Variants in SPATS2L observed in about 807,000 individuals in gnomAD.
SPATS2L encodes SPATS2-like protein.
A neutral mutation model predicts 59.6 loss-of-function variants in SPATS2L; 30 were observed. The observed-to-expected ratio is 0.50, with a 90% CI of 0.38 to 0.68. The LOEUF (loss-of-function observed/expected upper bound fraction) is 0.68, where lower values mean the gene tolerates loss of function less well. Ranked by LOEUF, SPATS2L falls within the 30% of genes least tolerant of loss-of-function variation. The pLI, the probability that SPATS2L is intolerant of heterozygous loss-of-function variation, is 0.00. For synonymous variants in SPATS2L, 252 were observed against 263.5 expected, an observed-to-expected ratio of 0.96 and a Z score of 0.42; for missense variants, 615 against 700.0, an observed-to-expected ratio of 0.88 and a Z score of 1.37.
chr2:200,436,773 A>G (rs1167013574), intron 6 of SPATS2L, among the ~76,000 whole-genome samples: 1 of 152,078 alleles, frequency 6.6e-6, no homozygotes, highest in Non-Finnish European at 1.5e-5. Flanking sequence ...ATACACGAAG[A>G]TCTGTGTTTT....
intron 3 of SPATS2L, among the ~76,000 whole-genome samples, chr2:200,400,536 A>AAAAATC (rs2082493407): frequency 6.6e-6 from 1 of 152,226 alleles, no homozygotes. Context: ...GTGTCAGATT[A>AAAAATC]AAAATCAAAA....
intron 3 of SPATS2L, among the ~76,000 whole-genome samples, chr2:200,396,596 T>C (rs2082362780): frequency 6.6e-6 from 1 of 152,178 alleles, no homozygotes; most frequent in African/African-American, 2.4e-5. Flanking sequence ...TGGAGTATGG[T>C]CAGAAAAATC....
chr2:200,356,639 A>G (rs2080925123), intron 2 of SPATS2L, among the ~76,000 whole-genome samples: 1 of 152,232 alleles, frequency 6.6e-6, no homozygotes, highest in Non-Finnish European at 1.5e-5. Flanking sequence ...ATAACTTATC[A>G]ACTAGATTCA....
At chr2:200,327,239 A>G (rs760714513) in intron 1 of SPATS2L, among the ~76,000 whole-genome samples, 5 of 151,890 alleles carry the variant, frequency 3.3e-5, no homozygotes, top group Non-Finnish European at 7.4e-5. Context: ...CCCCATCTCT[A>G]TTAAAAATAC....
chr2:200,365,123 A>G (rs2081227833), intron 2 of SPATS2L, among the ~76,000 whole-genome samples: 1 of 152,224 alleles, frequency 6.6e-6, no homozygotes, highest in Non-Finnish European at 1.5e-5. Context: ...CCCAGGGAAC[A>G]GCTTTTGCAT....
chr2:200,457,385 GAC>G (rs1311978077), intron 8 of SPATS2L, among the ~76,000 whole-genome samples: 1 of 152,140 alleles, frequency 6.6e-6, no homozygotes, highest in Non-Finnish European at 1.5e-5. Flanking sequence ...TGATTACATA[GAC>G]AGTCTCTGGA....
At chr2:200,389,056 T>G (rs2082088979) in intron 2 of SPATS2L, among the ~76,000 whole-genome samples, 167 bp from the exon 3 acceptor site, 1 of 152,248 alleles carries the variant, frequency 6.6e-6, no homozygotes, top group Non-Finnish European at 1.5e-5. Flanking sequence ...GTAACATGCT[T>G]TTAGAACATG....
Position 200,364,491 on chromosome 2 carries a change from TTA to T in SPATS2L, c.-22-24731_-22-24730del, listed in dbSNP as rs533965539. 2.3e-3 allele frequency among the ~76,000 whole-genome samples: 343 copies of T among 152,338 alleles called. 1 individual carries two copies. Among genetic ancestry groups the T allele is most frequent in the African/African-American group, 7.3e-3 (305 of 41,580 alleles). On this transcript the variant is annotated intron_variant, in intron 2 of 12. Transcript: ENST00000409140. The stretch of plus-strand genomic sequence containing the variant: ...TTTAGGTTGCCGATGGACTTCTTTC[TTA>T]ATGTCAGTGGCAACTGTCAAGTCTT...
intron 6 of SPATS2L, among the ~76,000 whole-genome samples, chr2:200,435,600 A>G (rs1180587500): frequency 6.6e-6 from 1 of 152,178 alleles, no homozygotes; most frequent in Non-Finnish European, 1.5e-5. Context: ...TATCTACGAG[A>G]TACCAAGCAC....
At chr2:200,375,141 G>A (rs985405983) in intron 2 of SPATS2L, among the ~76,000 whole-genome samples, 3 of 152,156 alleles carry the variant, frequency 2.0e-5, no homozygotes, top group Non-Finnish European at 2.9e-5. Flanking sequence ...AGGCCATGAG[G>A]TGGTTTATGA....
chr2:200,459,645 A>G (rs1574658423), intron 8 of SPATS2L, 124 bp from the exon 9 acceptor site: 1 of 762,492 alleles, frequency 1.3e-6, no homozygotes, highest in Non-Finnish European at 2.2e-6. Context: ...GCATTGTAGC[A>G]TAGAAATATT....
chr2:200,338,446 A>C (rs1475396619), intron 2 of SPATS2L, among the ~76,000 whole-genome samples: 1 of 152,164 alleles, frequency 6.6e-6, no homozygotes, highest in East Asian at 1.9e-4. Flanking sequence ...CAAGTGAATA[A>C]ACCCAATAGT....
chr2:200,392,142 G>C (rs563376917), intron 3 of SPATS2L, among the ~76,000 whole-genome samples: 2 of 152,006 alleles, frequency 1.3e-5, no homozygotes, highest in Non-Finnish European at 2.9e-5. Context: ...CTGATCTTTG[G>C]CTGAGGGCTC....
At chr2:200,393,911 GAATCC>G (rs1453912137) in intron 3 of SPATS2L, among the ~76,000 whole-genome samples, 5 of 152,164 alleles carry the variant, frequency 3.3e-5, no homozygotes, top group Non-Finnish European at 7.3e-5. Context: ...AGAAGTGTTG[GAATCC>G]AATGAGTTCA....
intron 3 of SPATS2L, among the ~76,000 whole-genome samples, chr2:200,402,778 GT>G (rs1225726144): frequency 6.6e-6 from 1 of 152,192 alleles, no homozygotes; most frequent in African/African-American, 2.4e-5. Context: ...TTTGAGGGAA[GT>G]TTTTATGGTA....
chr2:200,357,609 T>G (rs1367155012), intron 2 of SPATS2L, among the ~76,000 whole-genome samples: 1 of 152,184 alleles, frequency 6.6e-6, no homozygotes, highest in Non-Finnish European at 1.5e-5. Flanking sequence ...ACCAAATTAC[T>G]TTTTCCATAC....
chr2:200,443,147 A>G lies in SPATS2L; in HGVS notation c.788+2363A>G, dbSNP rs114312304. 3.7e-3 allele frequency among the ~76,000 whole-genome samples: 570 copies of G among 152,344 alleles called. 4 individuals carry two copies. The highest frequency in any genetic ancestry group is 0.013 in the African/African-American group (550 of 41,584). On this transcript the variant is annotated intron_variant, in intron 8 of 12. Coordinates refer to ENST00000409140, the MANE Select transcript of SPATS2L (RefSeq NM_001100423.2). The stretch of plus-strand genomic sequence containing the variant: ...AATCAACTATGCATGCCTGCCAAAC[A>G]GAAAAACCTTGCCTCTGTTCCAAAT...
At chr2:200,410,180 T>C (rs1275530169) in intron 3 of SPATS2L, among the ~76,000 whole-genome samples, 1 of 152,048 alleles carries the variant, frequency 6.6e-6, no homozygotes, top group Non-Finnish European at 1.5e-5. Flanking sequence ...AGAAATTTTA[T>C]GTAATATGAA....
At chr2:200,418,796 T>C (rs2106008917) in intron 5 of SPATS2L, among the ~76,000 whole-genome samples, 1 of 152,194 alleles carries the variant, frequency 6.6e-6, no homozygotes, top group African/African-American at 2.4e-5. Context: ...CTAGTAGTCC[T>C]CCCCTTTACC....
Sources: gnomAD v4.1 joint callset for allele counts (sites outside exome capture counted in the v4.1 genomes callset) on GRCh38, gnomAD v4.1.1 for gene constraint, MANE v1.5 for transcripts, NCBI Gene and HGNC (gene_info 2026-07-23, HGNC 2026-07-21) for gene names.